The following PEBP4 variants were observed in gnomAD, a reference collection of about 807,000 sequenced individuals.
PEBP4 encodes the protein phosphatidylethanolamine-binding protein 4.
In PEBP4, 22 loss-of-function variants were observed where a neutral mutation model predicts 23.9. That is an observed-to-expected ratio of 0.92 (90% confidence interval 0.66 to 1.31). The LOEUF is 1.31. Ranked by LOEUF, PEBP4 falls within the 40% of genes most tolerant of loss-of-function variation. The pLI is 0.00. For synonymous variants in PEBP4, 112 were observed against 99.3 expected, an observed-to-expected ratio of 1.13 and a Z score of -0.76; for missense variants, 324 against 281.7, an observed-to-expected ratio of 1.15 and a Z score of -1.07.
intron 6 of PEBP4, among the ~76,000 whole-genome samples, chr8:22,718,550 C>A (rs41461944): frequency 0.033 from 4,965 of 152,306 alleles, 268 homozygotes; most frequent in African/African-American, 0.11. Flanking sequence ...GCCTGGGTGC[C>A]TGTCTGAGTG....
At chr8:22,719,926 C>A (rs1303938081) in intron 6 of PEBP4, among the ~76,000 whole-genome samples, 1 of 152,228 alleles carries the variant, frequency 6.6e-6, no homozygotes. Context: ...TGGCTGCCTT[C>A]TCAGGTGCTG....
At chr8:22,933,371 A>G (rs1809490154) in intron 1 of PEBP4, among the ~76,000 whole-genome samples, 2 of 152,260 alleles carry the variant, frequency 1.3e-5, no homozygotes, top group Admixed American at 6.5e-5. Flanking sequence ...GAGACATATT[A>G]GAATCAAACT....
chr8:22,841,483 G>A (rs1259052517), intron 3 of PEBP4, among the ~76,000 whole-genome samples: 2 of 152,186 alleles, frequency 1.3e-5, no homozygotes, highest in Non-Finnish European at 2.9e-5. Flanking sequence ...AACAGCAAAC[G>A]GGTCCTTTCT....
chr8:22,793,767 T>A (rs1806188543), intron 4 of PEBP4, among the ~76,000 whole-genome samples: 1 of 152,206 alleles, frequency 6.6e-6, no homozygotes, highest in Admixed American at 6.5e-5. Flanking sequence ...TGCCTTATTT[T>A]GATAGGTATC....
intron 4 of PEBP4, among the ~76,000 whole-genome samples, chr8:22,766,146 G>A (rs1027632062): frequency 7.9e-5 from 12 of 152,162 alleles, no homozygotes; most frequent in African/African-American, 2.2e-4. Context: ...TCACCCTCAC[G>A]CCACAGTCTT....
chr8:22,868,896 A>G (rs957456200), intron 3 of PEBP4, among the ~76,000 whole-genome samples: 3 of 151,988 alleles, frequency 2.0e-5, no homozygotes, highest in African/African-American at 7.3e-5. Context: ...TCGTGTTCAA[A>G]CCTAAGTGAG....
chr8:22,756,439 C>T (rs1187007668), intron 4 of PEBP4, among the ~76,000 whole-genome samples: 3 of 152,216 alleles, frequency 2.0e-5, no homozygotes, highest in East Asian at 1.9e-4. Flanking sequence ...CCGACAGTCT[C>T]GGCCAGTTGT....
chr8:22,867,410 A>AC (rs996550323), intron 3 of PEBP4, among the ~76,000 whole-genome samples: 1 of 151,562 alleles, frequency 6.6e-6, no homozygotes, highest in African/African-American at 2.4e-5. Flanking sequence ...CGTGTCAATA[A>AC]CCCCCCAGCC....
upstream of PEBP4, among the ~76,000 whole-genome samples, chr8:22,929,116 A>T (rs574827231): frequency 6.6e-6 from 1 of 152,362 alleles, no homozygotes; most frequent in Non-Finnish European, 1.5e-5. Context: ...AATGAAATCA[A>T]CCAGGTTAAG....
At chr8:22,725,155 G>C (rs1376963926) in intron 5 of PEBP4, among the ~76,000 whole-genome samples, 199 bp from the exon 6 acceptor site, 1 of 152,054 alleles carries the variant, frequency 6.6e-6, no homozygotes, top group African/African-American at 2.4e-5. Flanking sequence ...GTGGGGGTGA[G>C]AGTGGGGGAG....
chr8:22,918,823 C>T (rs1809134280), intron 3 of PEBP4, among the ~76,000 whole-genome samples: 1 of 152,190 alleles, frequency 6.6e-6, no homozygotes, highest in Admixed American at 6.5e-5. Context: ...CAGCAGGCTT[C>T]CTTTCTCTGC....
intron 4 of PEBP4, among the ~76,000 whole-genome samples, chr8:22,804,727 G>T (rs1336935136): frequency 6.6e-6 from 1 of 152,120 alleles, no homozygotes; most frequent in Non-Finnish European, 1.5e-5. Context: ...CACCCCCAGA[G>T]ATTCTGACTT....
chr8:22,848,770 G>C (rs1475204564), intron 3 of PEBP4, among the ~76,000 whole-genome samples: 2 of 152,190 alleles, frequency 1.3e-5, no homozygotes, highest in Non-Finnish European at 2.9e-5. Flanking sequence ...GGGAAGAGAC[G>C]ATGATGAGTG....
chr8:22,929,871 A>G (rs150047219), upstream of PEBP4, among the ~76,000 whole-genome samples: 12 of 152,144 alleles, frequency 7.9e-5, no homozygotes, highest in South Asian at 2.1e-4. Context: ...GGCTCTGGCT[A>G]ATTTTTGTAT....
chr8:22,714,535 TTTG>T (rs772786484), intron 6 of PEBP4, among the ~76,000 whole-genome samples: 9 of 152,036 alleles, frequency 5.9e-5, no homozygotes, highest in East Asian at 1.9e-4. Context: ...CATCCTACTT[TTTG>T]TTGTTGTTGT....
intron 3 of PEBP4, among the ~76,000 whole-genome samples, chr8:22,892,844 C>T (rs77766501): frequency 6.6e-6 from 1 of 152,182 alleles, no homozygotes; most frequent in Non-Finnish European, 1.5e-5. Context: ...CTTACAATCA[C>T]CCCAACTTAC....
intron 4 of PEBP4, among the ~76,000 whole-genome samples, chr8:22,766,487 A>G (rs1805617782): frequency 6.6e-6 from 1 of 152,224 alleles, no homozygotes; most frequent in African/African-American, 2.4e-5. Flanking sequence ...GAAATTTCTG[A>G]AGGGGCATTC....
intron 3 of PEBP4, among the ~76,000 whole-genome samples, chr8:22,833,116 C>T (rs1807121636): frequency 6.6e-6 from 1 of 152,236 alleles, no homozygotes; most frequent in Admixed American, 6.5e-5. Flanking sequence ...TGCCTCCTGA[C>T]TGGCCCTGTG....
intron 3 of PEBP4, among the ~76,000 whole-genome samples, chr8:22,908,690 C>A (rs1808868490): frequency 6.6e-6 from 1 of 152,180 alleles, no homozygotes; most frequent in African/African-American, 2.4e-5. Flanking sequence ...GAAGGCAGCT[C>A]TGAGAGGCAA....
Sources: allele counts gnomAD v4.1 joint callset (sites outside exome capture counted in the v4.1 genomes callset), GRCh38; gene constraint gnomAD v4.1.1; transcripts MANE v1.5; gene names NCBI Gene and HGNC (gene_info 2026-07-23, HGNC 2026-07-21).